Variants in RYR2 observed in about 807,000 individuals in gnomAD.
The protein encoded by RYR2 is ryanodine receptor 2.
Under a neutral mutation model 601.1 loss-of-function variants are expected in RYR2, and 227 were observed. That is an observed-to-expected ratio of 0.38 (90% CI 0.34 to 0.42). The LOEUF is 0.42. RYR2 is among the 10% of genes least tolerant of loss of function. The pLI is 1.00. For missense variants in RYR2, 4,646 were observed against 6,156.5 expected (o/e 0.75, Z 8.21); for synonymous variants, 2,223 against 2,175.1 (o/e 1.02, Z -0.61).
intron 1 of RYR2, among the ~76,000 whole-genome samples, chr1:237,183,112 C>T (rs568515510): frequency 3.3e-5 from 5 of 152,154 alleles, no homozygotes; most frequent in African/African-American, 7.2e-5. Flanking sequence ...CAAAACAAGT[C>T]GGCTGTTAGG....
intron 19 of RYR2, among the ~76,000 whole-genome samples, chr1:237,494,047 C>T (rs371874974): frequency 1.3e-5 from 2 of 152,088 alleles, no homozygotes; most frequent in East Asian, 1.9e-4. Flanking sequence ...TTATAACCAC[C>T]GCGCCACACT....
At chr1:237,811,557 ATAAC>A (rs1661255123) in intron 100 of RYR2, among the ~76,000 whole-genome samples, 1 of 152,224 alleles carries the variant, frequency 6.6e-6, no homozygotes, top group South Asian at 2.1e-4. Context: ...TTAAGAATAA[ATAAC>A]TCTCAAATGA....
intron 71 of RYR2, among the ~76,000 whole-genome samples, chr1:237,716,612 T>C (rs1307618417): frequency 6.6e-6 from 1 of 152,174 alleles, no homozygotes; most frequent in East Asian, 1.9e-4. Context: ...AAACTGGTTA[T>C]CCAGATCGTC....
At chr1:237,689,863 A>C (rs4659804) in intron 63 of RYR2, among the ~76,000 whole-genome samples, 95,431 of 148,478 alleles carry the variant, frequency 0.64, 30,783 homozygotes, top group Middle Eastern at 0.76. Context: ...TTTTTTTTGA[A>C]AGAGTTTCAC....
At chr1:237,795,924 ATGTGTGTACATATGTATG>A (rs1558434563) in intron 96 of RYR2, among the ~76,000 whole-genome samples, 2 of 24,062 alleles carry the variant, frequency 8.3e-5, no homozygotes, top group Admixed American at 7.8e-4. Flanking sequence ...ATGCACGCGT[ATGTGTGTACATATGTATG>A]TGTGCATATG....
chr1:237,573,529 G>A (rs1572929122), intron 29 of RYR2, among the ~76,000 whole-genome samples: 1 of 148,898 alleles, frequency 6.7e-6, no homozygotes, highest in Non-Finnish European at 1.5e-5. Context: ...GAAGAGGATA[G>A]GGTTGTTCTA....
In RYR2 at chr1:237,063,606, T is replaced by A. The variant is rs547070476; in HGVS notation, c.48+21037T>A. On this transcript the variant is annotated intron_variant, in intron 1 of 104. Coordinates refer to ENST00000366574, the MANE Select transcript of RYR2 (RefSeq NM_001035.3). ...TCTACACACACACACACATACACAC[T>A]CTCTCTCTCTCTCTTCAACTCCTTA... Among the ~76,000 whole-genome samples the A allele has an allele frequency of 1.3e-4, 20 of 150,568 alleles. No individual in the cohort carries two copies. The South Asian group carries it at 2.3e-3, about 17-fold the overall frequency.
intron 1 of RYR2, among the ~76,000 whole-genome samples, chr1:237,249,743 T>C (rs1687263196): frequency 6.6e-6 from 1 of 152,224 alleles, no homozygotes; most frequent in Non-Finnish European, 1.5e-5. Flanking sequence ...CCTTTATTTT[T>C]GTGCTTTGGC....
chr1:237,548,366 G>A, intron 25 of RYR2, 65 bp from the exon 26 acceptor site: 7 of 1,539,166 alleles, frequency 4.5e-6, no homozygotes, highest in Non-Finnish European at 6.2e-6. Flanking sequence ...GCCAGAAAAT[G>A]ATATTTACAG....
chr1:237,489,294 A>G (rs767422003), intron 17 of RYR2, among the ~76,000 whole-genome samples: 1 of 152,126 alleles, frequency 6.6e-6, no homozygotes, highest in Non-Finnish European at 1.5e-5. Context: ...CACATCTCCA[A>G]TCACCAGAGA....
At position 237,616,945 on chromosome 1, in the gene RYR2, C is replaced by T. The variant is rs142137709; in HGVS notation, c.5716-341C>T. Among the ~76,000 whole-genome samples the T allele has an allele frequency of 4.5e-3, 689 of 152,208 alleles. 8 individuals carry two copies. Among genetic ancestry groups the T allele is most frequent in the African/African-American group, 0.016 (646 of 41,526 alleles). ...ATCTTGTGAGACTTATTCACTACCA[C>T]GAGAACAGCATGGGGGAAGACACCC... On this transcript the variant is annotated intron_variant, in intron 37 of 104. Transcript: ENST00000366574.
In RYR2 at chr1:237,651,427, A is replaced by G. The variant is rs772541555; in HGVS notation, c.7750A>G (p.Met2584Val). The part of the protein sequence containing the change: ...LSICGQLRPS[M>V]MQHLLRRLVF... ...TTCCAACAGACAACTGAGACCTTCT[A>G]TGATGCAGCACTTACTCAGAAGATT... The change falls in exon 51 of 105, where the codon ATG (methionine) becomes GTG (valine). Residue 2584 changes from methionine to valine, a missense_variant. By Grantham distance (21) the Met-to-Val change is conservative. Around this residue, in one of 17 missense-constraint regions of RYR2, gnomAD observed 1,497 missense variants for 1,842.6 expected, o/e 0.81. Coordinates refer to ENST00000366574, the MANE Select transcript of RYR2 (RefSeq NM_001035.3). 1.6e-5 allele frequency: 26 copies of G among 1,595,432 alleles called. No homozygotes were observed. Among genetic ancestry groups the G allele is most frequent in the East Asian group, 2.2e-5 (1 of 44,478 alleles).
chr1:237,542,987 T>G (rs186194444), intron 25 of RYR2, among the ~76,000 whole-genome samples: 1 of 152,336 alleles, frequency 6.6e-6, no homozygotes, highest in African/African-American at 2.4e-5. Context: ...CAGCCTATCT[T>G]AGACTGGAGG....
intron 24 of RYR2, among the ~76,000 whole-genome samples, chr1:237,525,910 G>C (rs1312105484): frequency 6.6e-6 from 1 of 151,846 alleles, no homozygotes; most frequent in Non-Finnish European, 1.5e-5. Context: ...AACCCGGGAG[G>C]CGGAGGTTGC....
At chr1:237,593,696 C>T in intron 33 of RYR2, 60 bp downstream of exon 33, 1 of 1,525,770 alleles carries the variant, frequency 6.6e-7, no homozygotes, top group Non-Finnish European at 9.1e-7. Context: ...GTGAACCTAG[C>T]TATTCCTTTT....
At chr1:237,740,279 TTAG>T (rs1384478824) in intron 79 of RYR2, among the ~76,000 whole-genome samples, 1 of 152,190 alleles carries the variant, frequency 6.6e-6, no homozygotes, top group African/African-American at 2.4e-5. Flanking sequence ...CTCAAGCTAA[TTAG>T]TAGAAGTTTA....
intron 1 of RYR2, among the ~76,000 whole-genome samples, chr1:237,051,282 TTCTCTC>T (rs148264575): frequency 2.5e-5 from 2 of 79,340 alleles, no homozygotes; most frequent in Non-Finnish European, 4.6e-5. Flanking sequence ...TCTCCTCCCC[TTCTCTC>T]TCTCTCTCTC....
At chr1:237,734,213 A>C (rs2797446) in intron 79 of RYR2, among the ~76,000 whole-genome samples, 143,434 of 152,216 alleles carry the variant, frequency 0.94, 68,032 homozygotes, top group Non-Finnish European at 1. Flanking sequence ...ACTCACAGTT[A>C]CACATGGTTG....
At chr1:237,824,829 A>C (rs549502458) in intron 101 of RYR2, among the ~76,000 whole-genome samples, 1 of 152,342 alleles carries the variant, frequency 6.6e-6, no homozygotes, top group East Asian at 1.9e-4. Flanking sequence ...GCAAAGTCTC[A>C]GGATACAAAA....
Sources: allele counts gnomAD v4.1 joint callset (sites outside exome capture counted in the v4.1 genomes callset), GRCh38; gene constraint gnomAD v4.1.1; regional missense constraint gnomAD v4.1.1; transcripts MANE v1.5; gene names NCBI Gene and HGNC (gene_info 2026-07-23, HGNC 2026-07-21).